Variants in MDM4 observed in about 807,000 individuals in gnomAD.
MDM4 encodes the protein protein Mdm4.
Under a neutral mutation model 60.2 loss-of-function variants are expected in MDM4, and 2 were observed. That is an observed-to-expected ratio of 0.03 (90% CI 0.01 to 0.10). The LOEUF (loss-of-function observed/expected upper bound fraction) is 0.10, where lower values mean the gene tolerates loss of function less well. MDM4 is among the 10% of genes least tolerant of loss of function. The pLI, the probability that MDM4 is intolerant of heterozygous loss-of-function variation, is 1.00. For synonymous variants in MDM4, 202 were observed against 198.1 expected, an observed-to-expected ratio of 1.02 and a Z score of -0.17; for missense variants, 447 against 577.5, an observed-to-expected ratio of 0.77 and a Z score of 2.32.
chr1:204,525,017 C>G (rs1361488735), intron 1 of MDM4, among the ~76,000 whole-genome samples: 2 of 152,052 alleles, frequency 1.3e-5, no homozygotes, highest in African/African-American at 2.4e-5. Context: ...AATGTTGACT[C>G]TTAGTTAACT....
intron 7 of MDM4, among the ~76,000 whole-genome samples, chr1:204,541,873 T>G (rs141058804): frequency 1.3e-5 from 2 of 152,328 alleles, no homozygotes; most frequent in Non-Finnish European, 2.9e-5. Flanking sequence ...TTTCACCATA[T>G]GTACTTCAGC....
At chr1:204,527,452 G>C (rs767056629) in intron 3 of MDM4, among the ~76,000 whole-genome samples, 1 of 152,098 alleles carries the variant, frequency 6.6e-6, no homozygotes, top group Non-Finnish European at 1.5e-5. Context: ...TCAGGAGTTC[G>C]AGACCAGCCT....
chr1:204,555,247 C>T lies in MDM4; in HGVS notation c.*5565C>T, dbSNP rs1480042877. On this transcript the variant is annotated 3_prime_UTR_variant, in exon 11 of 11. Transcript: ENST00000367182. ...TCGGCTCACTGCAACCTCCGCCTCC[C>T]GGGTTCACCCCATTCTCCTGCCTCA... 3 of 172,658 alleles carry T rather than the reference C, an allele frequency of 1.7e-5. No individual in the cohort carries two copies. Among genetic ancestry groups the T allele is most frequent in the Non-Finnish European group, 3.8e-5 (3 of 79,996 alleles). The allele number at this position is 172,658 out of a possible 1,614,324, so 10.7% of individuals were successfully genotyped here.
intron 1 of MDM4, among the ~76,000 whole-genome samples, chr1:204,523,802 G>A (rs559860971): frequency 3.3e-5 from 5 of 152,216 alleles, no homozygotes; most frequent in South Asian, 2.1e-4. Flanking sequence ...TGCATCTCAC[G>A]GATGGAGCAA....
chr1:204,539,876 C>T (rs1205343933), intron 7 of MDM4, among the ~76,000 whole-genome samples: 1 of 152,000 alleles, frequency 6.6e-6, no homozygotes, highest in Non-Finnish European at 1.5e-5. Context: ...GAAAATTTAA[C>T]ACCTGACCTC....
rs1275205840 is a variant in MDM4, at chr1:204,528,222, C to T, written c.153+1788C>T. 2.6e-5 allele frequency among the ~76,000 whole-genome samples: 4 copies of T among 152,042 alleles called. No individual in the cohort carries two copies. In the East Asian group the frequency reaches 5.8e-4, roughly 22 times the overall value. On this transcript the variant is annotated intron_variant, in intron 3 of 10. Coordinates refer to ENST00000367182, the MANE Select transcript of MDM4 (RefSeq NM_002393.5). ...CCCTGGAGATGGAAGCCGAGCAGAG[C>T]GTGGCAGGCAAGTGAGGGATCCCAG...
At chr1:204,530,116 T>G (rs1187447462) in intron 3 of MDM4, among the ~76,000 whole-genome samples, 1 of 152,184 alleles carries the variant, frequency 6.6e-6, no homozygotes, top group Non-Finnish European at 1.5e-5. Context: ...GTTCAAGCAA[T>G]TTGCCTGCCT....
intron 3 of MDM4, among the ~76,000 whole-genome samples, chr1:204,527,023 C>T (rs1217114131): frequency 6.6e-6 from 1 of 151,782 alleles, no homozygotes. Flanking sequence ...GGCCTGGCAC[C>T]ATAGCTCACG....
intron 5 of MDM4, among the ~76,000 whole-genome samples, chr1:204,535,390 C>T (rs180847737): frequency 7.0e-4 from 107 of 152,094 alleles, no homozygotes; most frequent in Non-Finnish European, 1.4e-3. Context: ...ATCTCCTGAC[C>T]TCGTGATCTG....
At chr1:204,542,692 C>T in intron 7 of MDM4, 92 bp from the exon 8 acceptor site, 11 of 922,458 alleles carry the variant, frequency 1.2e-5, no homozygotes, top group Admixed American at 3.1e-5. Context: ...TTCTTTTTAC[C>T]TATTTTATAA....
chr1:204,522,993 G>A (rs935878159), intron 1 of MDM4, among the ~76,000 whole-genome samples: 10 of 151,520 alleles, frequency 6.6e-5, no homozygotes, highest in Non-Finnish European at 1.5e-4. Context: ...CTCCTGAGTA[G>A]CTGGGATTAC....
rs1049822371 is a variant in MDM4, at chr1:204,557,183, C to T, written c.*7501C>T. The T allele has an allele frequency of 1.0e-5, 2 of 194,944 alleles. No individual in the cohort carries two copies. The highest frequency in any genetic ancestry group is 2.1e-5 in the Non-Finnish European group (2 of 93,732). The allele number at this position is 194,944 out of a possible 1,614,324, so 12.1% of individuals were successfully genotyped here. On this transcript the variant is annotated 3_prime_UTR_variant, in exon 11 of 11. Transcript: ENST00000367182. ...GTATATATTCAGAATACCTCATGTT[C>T]TGGAAGCTGAGCACTAGCTCCCCTT... is the stretch of plus-strand genomic sequence containing the variant.
Position 204,556,534 on chromosome 1 carries a change from C to G in MDM4, c.*6852C>G. ...CAACATGGTGAAACCCTGTCTCTAC[C>G]AAAAATACAAAAAAAAAGCTGGGCA... On this transcript the variant is annotated 3_prime_UTR_variant, in exon 11 of 11. Transcript: ENST00000367182. 4.8e-6 allele frequency: 1 copy of G among 207,642 alleles called. No homozygotes were observed. Among genetic ancestry groups the G allele is most frequent in the Non-Finnish European group, 9.8e-6 (1 of 101,922 alleles). The allele number at this position is 207,642 out of a possible 1,614,324, so 12.9% of individuals were successfully genotyped here.
Position 204,551,459 on chromosome 1 carries a change from C to CTGTTT in MDM4, c.*1778_*1779insGTTTT, listed in dbSNP as rs1558341326. 2 of 151,176 alleles carry CTGTTT rather than the reference C, an allele frequency of 1.3e-5. No individual in the cohort carries two copies. The allele number at this position is 151,176 out of a possible 1,614,324, so 9.4% of individuals were successfully genotyped here. ...ATATACTGGATGGTTGAGAGGCAGC[C>CTGTTT]TCTTTTTTTTTTTTTTTTTTTTTTT... On this transcript the variant is annotated 3_prime_UTR_variant, in exon 11 of 11. Transcript: ENST00000367182.
intron 3 of MDM4, among the ~76,000 whole-genome samples, 157 bp from the exon 4 acceptor site, chr1:204,530,527 C>T (rs1276639863): frequency 6.6e-6 from 1 of 152,154 alleles, no homozygotes; most frequent in Non-Finnish European, 1.5e-5. Context: ...TAGTTGGGAG[C>T]GGCTTTCCTG....
chr1:204,518,903 C>A (rs1399542635), intron 1 of MDM4, among the ~76,000 whole-genome samples: 1 of 152,198 alleles, frequency 6.6e-6, no homozygotes. Flanking sequence ...TGGCCTCAAT[C>A]TGCCTGCCTT....
At chr1:204,530,026 C>T (rs946892037) in intron 3 of MDM4, among the ~76,000 whole-genome samples, 1 of 152,056 alleles carries the variant, frequency 6.6e-6, no homozygotes, top group African/African-American at 2.4e-5. Flanking sequence ...ACAAGCGTGC[C>T]TCACCACACC....
intron 5 of MDM4, chr1:204,536,880 A>T: frequency 2.7e-6 from 1 of 374,944 alleles, no homozygotes. Context: ...GGTGATGGTA[A>T]TGGGAATTTA....
In MDM4 at chr1:204,556,184, T is replaced by C. The variant is rs1663525329; in HGVS notation, c.*6502T>C. 4.4e-6 allele frequency: 1 copy of C among 225,874 alleles called. No individual in the cohort carries two copies. Among genetic ancestry groups the C allele is most frequent in the Non-Finnish European group, 8.8e-6 (1 of 113,534 alleles). The allele number at this position is 225,874 out of a possible 1,614,324, so 14.0% of individuals were successfully genotyped here. A position where few individuals can be genotyped will look rare whatever the true frequency, so the allele number is the denominator to read the frequency against. On this transcript the variant is annotated 3_prime_UTR_variant, in exon 11 of 11. Coordinates refer to ENST00000367182, the MANE Select transcript of MDM4 (RefSeq NM_002393.5). ...ATCTTATTTCTGGATATTGCTTTTA[T>C]ACCAAAGACCCTTATCAGCCCTTGT...
Sources: gnomAD v4.1 joint callset for allele counts (sites outside exome capture counted in the v4.1 genomes callset) on GRCh38, gnomAD v4.1.1 for gene constraint, MANE v1.5 for transcripts, NCBI Gene and HGNC (gene_info 2026-07-23, HGNC 2026-07-21) for gene names.